APP: variants seen among roughly 807,000 people sequenced by gnomAD.
The protein encoded by APP is amyloid-beta precursor protein.
In APP, 31 loss-of-function variants were observed where a neutral mutation model predicts 101.4. The ratio of observed to expected loss-of-function variants is 0.31; its 90% CI spans 0.23 to 0.41. The LOEUF (loss-of-function observed/expected upper bound fraction) is 0.41, where lower values mean the gene tolerates loss of function less well. Among genes scored for constraint, APP ranks in the 10% least tolerant of loss-of-function variants. The pLI, the probability that APP is intolerant of heterozygous loss-of-function variation, is 1.00. For synonymous variants in APP, 366 were observed against 364.4 expected (o/e 1.00, Z -0.05); for missense variants, 839 against 1,003.7 (o/e 0.84, Z 2.22).
intron 13 of APP, among the ~76,000 whole-genome samples, chr21:25,945,277 G>A (rs536420156): frequency 3.2e-4 from 49 of 151,276 alleles, no homozygotes; most frequent in African/African-American, 9.4e-4. Context: ...GAATCATTTC[G>A]AGGCAAATAT....
intron 13 of APP, among the ~76,000 whole-genome samples, chr21:25,948,525 T>C (rs1197799383): frequency 4.6e-5 from 7 of 152,224 alleles, no homozygotes; most frequent in Admixed American, 4.6e-4. Flanking sequence ...CAGAGATCTT[T>C]CCCGCATCTG....
intron 13 of APP, among the ~76,000 whole-genome samples, chr21:25,916,177 T>G (rs1288766772): frequency 6.6e-6 from 1 of 152,138 alleles, no homozygotes; most frequent in East Asian, 1.9e-4. Context: ...AGTTTTTATG[T>G]TTTTAGTAGA....
chr21:25,992,559 G>A (rs1389310620), intron 8 of APP, among the ~76,000 whole-genome samples: 1 of 152,156 alleles, frequency 6.6e-6, no homozygotes, highest in East Asian at 1.9e-4. Context: ...TGTATTCAAA[G>A]TAGATGGCCC....
At chr21:26,043,570 C>T (rs2045471674) in intron 5 of APP, among the ~76,000 whole-genome samples, 1 of 152,154 alleles carries the variant, frequency 6.6e-6, no homozygotes, top group South Asian at 2.1e-4. Context: ...TTTGGTGACA[C>T]TATTAACCTT....
At chr21:26,046,019 A>T (rs953403269) in intron 5 of APP, among the ~76,000 whole-genome samples, 8 of 151,954 alleles carry the variant, frequency 5.3e-5, no homozygotes, top group African/African-American at 1.9e-4. Context: ...GTGCAGGGGA[A>T]CCCCTCTTTT....
chr21:26,015,803 A>G (rs534105127), intron 6 of APP, among the ~76,000 whole-genome samples: 1 of 152,206 alleles, frequency 6.6e-6, no homozygotes, highest in African/African-American at 2.4e-5. Flanking sequence ...CAAATGGTTT[A>G]CTGAAAAGGC....
intron 1 of APP, among the ~76,000 whole-genome samples, chr21:26,129,006 G>C (rs917376062): frequency 6.6e-6 from 1 of 152,138 alleles, no homozygotes; most frequent in African/African-American, 2.4e-5. Flanking sequence ...CATCAGATTT[G>C]GCTCTAGGCA....
chr21:25,907,447 A>G (rs955809866), intron 14 of APP, among the ~76,000 whole-genome samples: 1 of 152,240 alleles, frequency 6.6e-6, no homozygotes, highest in Non-Finnish European at 1.5e-5. Context: ...AATTTTTCCA[A>G]TTGACCTTTA....
At chr21:26,144,894 C>A (rs902709826) in intron 1 of APP, among the ~76,000 whole-genome samples, 2 of 152,176 alleles carry the variant, frequency 1.3e-5, no homozygotes, top group Non-Finnish European at 2.9e-5. Context: ...ATAATTTATG[C>A]TTCCAGTACT....
intron 13 of APP, among the ~76,000 whole-genome samples, chr21:25,939,251 CA>C (rs2040478142): frequency 6.6e-6 from 1 of 152,160 alleles, no homozygotes; most frequent in African/African-American, 2.4e-5. Flanking sequence ...GGAAGGAAGC[CA>C]GGAAGCCAGC....
intron 1 of APP, among the ~76,000 whole-genome samples, chr21:26,153,193 G>C (rs2063313261): frequency 6.6e-6 from 1 of 152,032 alleles, no homozygotes; most frequent in African/African-American, 2.4e-5. Flanking sequence ...TAGACATTAG[G>C]TACAAGGTAC....
intron 1 of APP, among the ~76,000 whole-genome samples, chr21:26,144,043 G>A (rs2146318555): frequency 6.6e-6 from 1 of 152,206 alleles, no homozygotes; most frequent in South Asian, 2.1e-4. Flanking sequence ...TTACAATTAG[G>A]GTAGACGGGG....
chr21:25,998,237 G>A (rs1164594019), intron 7 of APP, among the ~76,000 whole-genome samples: 1 of 152,146 alleles, frequency 6.6e-6, no homozygotes, highest in African/African-American at 2.4e-5. Context: ...CTAAACCAGT[G>A]AGAATCACTG....
intron 1 of APP, among the ~76,000 whole-genome samples, chr21:26,141,241 C>G (rs1009370936): frequency 6.6e-6 from 1 of 152,158 alleles, no homozygotes; most frequent in Non-Finnish European, 1.5e-5. Context: ...ATTATTTAAG[C>G]TTCTGAGGTT....
chr21:26,050,876 C>G, intron 5 of APP, 124 bp downstream of exon 5: 1 of 1,160,792 alleles, frequency 8.6e-7, no homozygotes. Flanking sequence ...TGCATAACAG[C>G]AGACTCTGAT....
intron 7 of APP, 137 bp from the exon 8 acceptor site, chr21:25,997,553 A>G: frequency 1.4e-6 from 1 of 723,846 alleles, no homozygotes; most frequent in East Asian, 2.6e-5. Context: ...CTCCAACAAA[A>G]CCAAAATGAA....
intron 1 of APP, among the ~76,000 whole-genome samples, chr21:26,153,071 CTTATAAGTGGGAACT>C (rs1405728670): frequency 6.6e-6 from 1 of 152,158 alleles, no homozygotes; most frequent in Non-Finnish European, 1.5e-5. Flanking sequence ...TATGTTCTCT[CTTATAAGTGGGAACT>C]AAGTTAGGAA....
chr21:26,120,102 C>T (rs73168376), intron 1 of APP, among the ~76,000 whole-genome samples: 14,480 of 152,134 alleles, frequency 0.095, 888 homozygotes, highest in Admixed American at 0.15. Flanking sequence ...AGCTTGTGGG[C>T]TATAATAAAT....
intron 11 of APP, among the ~76,000 whole-genome samples, chr21:25,961,543 A>G (rs1378121387): frequency 6.6e-6 from 1 of 152,218 alleles, no homozygotes; most frequent in African/African-American, 2.4e-5. Flanking sequence ...AAATAAATAA[A>G]TAATTGCCCT....
Sources: gnomAD v4.1 joint callset for allele counts (sites outside exome capture counted in the v4.1 genomes callset) on GRCh38, gnomAD v4.1.1 for gene constraint, MANE v1.5 for transcripts, NCBI Gene and HGNC (gene_info 2026-07-23, HGNC 2026-07-21) for gene names.